RGS7: variants seen among roughly 807,000 people sequenced by gnomAD.
The protein encoded by RGS7 is regulator of G protein signaling 7.
RGS7 carries 27 observed loss-of-function variants against 81.1 expected under a neutral mutation model. The observed-to-expected ratio is 0.33, with a 90% confidence interval of 0.25 to 0.46. The LOEUF (loss-of-function observed/expected upper bound fraction) is 0.46. Among genes scored for constraint, RGS7 ranks in the 20% least tolerant of loss-of-function variants. The pLI, the probability that RGS7 is intolerant of heterozygous loss-of-function variation, is 1.00. For synonymous variants in RGS7, 208 were observed against 207.7 expected, an observed-to-expected ratio of 1.00 and a Z score of -0.01; for missense variants, 396 against 607.4, an observed-to-expected ratio of 0.65 and a Z score of 3.66.
At chr1:241,035,685 T>A (rs1452979439) in intron 3 of RGS7, among the ~76,000 whole-genome samples, 2 of 152,126 alleles carry the variant, frequency 1.3e-5, no homozygotes, top group Non-Finnish European at 2.9e-5. Flanking sequence ...TCCACCCTTA[T>A]CAGCACCACT....
intron 3 of RGS7, among the ~76,000 whole-genome samples, chr1:241,019,663 A>G (rs2148689708): frequency 6.6e-6 from 1 of 152,286 alleles, no homozygotes; most frequent in Admixed American, 6.5e-5. Context: ...AGCTTCATCC[A>G]TGTCCCTGAA....
At position 241,111,616 on chromosome 1, in the gene RGS7, A is replaced by G. The variant is rs1330261277; in HGVS notation, c.79-12854T>C. Among the ~76,000 whole-genome samples, 5 of 144,842 alleles carry G rather than the reference A, an allele frequency of 3.5e-5. No homozygotes were observed. In the East Asian group the frequency reaches 9.6e-4, roughly 28 times the overall value. Reference sequence around the variant, plus strand: ...CATAGCAAGACCCCCCCTCTCTACAAGTAAAAAAAAAAATGAAAAGACAAG... The same window carrying G: ...CATAGCAAGACCCCCCCTCTCTACAGGTAAAAAAAAAAATGAAAAGACAAG... On this transcript the variant is annotated intron_variant, in intron 2 of 18. Coordinates refer to ENST00000440928, the MANE Select transcript of RGS7 (RefSeq NM_001364886.1).
intron 3 of RGS7, among the ~76,000 whole-genome samples, chr1:241,014,867 C>T (rs545614009): frequency 3.0e-4 from 46 of 152,252 alleles, no homozygotes; most frequent in African/African-American, 1.1e-3. Context: ...GGTTGGTTTC[C>T]GTCAGACTGA....
intron 3 of RGS7, among the ~76,000 whole-genome samples, chr1:241,028,917 G>A (rs1306344211): frequency 6.6e-6 from 1 of 152,178 alleles, no homozygotes; most frequent in Non-Finnish European, 1.5e-5. Flanking sequence ...GGGGCAGCCA[G>A]AAAGGGCTTC....
At chr1:241,158,283 G>A (rs2069346584) in intron 2 of RGS7, among the ~76,000 whole-genome samples, 1 of 152,136 alleles carries the variant, frequency 6.6e-6, no homozygotes, top group African/African-American at 2.4e-5. Flanking sequence ...CAACCACAGA[G>A]CTATGCGATT....
chr1:241,225,147 C>A lies in RGS7; in HGVS notation c.79-126385G>T, dbSNP rs906121546. ...TAAGTAATTTCTCATTCCTCATCCC[C>A]CTTGTACCCTCCCACTTTTCCAAGT... On this transcript the variant is annotated intron_variant, in intron 2 of 18. Transcript: ENST00000440928. Among the ~76,000 whole-genome samples the A allele has an allele frequency of 2.0e-5, 3 of 152,240 alleles. No individual in the cohort carries two copies. In the South Asian group the frequency reaches 6.2e-4, roughly 32 times the overall value.
At chr1:241,350,386 T>C (rs1338353358) in intron 2 of RGS7, among the ~76,000 whole-genome samples, 1 of 152,140 alleles carries the variant, frequency 6.6e-6, no homozygotes, top group East Asian at 1.9e-4. Context: ...AGACACTCCA[T>C]TTAAAAATTT....
intron 2 of RGS7, among the ~76,000 whole-genome samples, chr1:241,295,855 G>T (rs1027036953): frequency 6.6e-6 from 1 of 152,190 alleles, no homozygotes; most frequent in African/African-American, 2.4e-5. Context: ...TGGTAGATGT[G>T]AGTGTTGAGT....
chr1:240,839,136 T>G (rs1451801952), intron 9 of RGS7, among the ~76,000 whole-genome samples: 3 of 152,190 alleles, frequency 2.0e-5, no homozygotes, highest in African/African-American at 7.2e-5. Context: ...TTTTGAGCTT[T>G]TATGTGATTT....
chr1:241,203,989 C>A (rs1050314416), intron 2 of RGS7, among the ~76,000 whole-genome samples: 1 of 152,182 alleles, frequency 6.6e-6, no homozygotes, highest in African/African-American at 2.4e-5. Flanking sequence ...ACAACAGGAG[C>A]TACTCTTGCC....
In RGS7 at chr1:241,126,929, C is replaced by G. The variant is rs2066705388; in HGVS notation, c.79-28167G>C. On this transcript the variant is annotated intron_variant, in intron 2 of 18. Transcript: ENST00000440928. ...ATACTATTGTTCACTTCTTTCTTTCCTTCCTTCCTTCATTCCAGAAACACT... is the reference window on the plus strand; with the variant it reads ...ATACTATTGTTCACTTCTTTCTTTCGTTCCTTCCTTCATTCCAGAAACACT... Among the ~76,000 whole-genome samples, 6 of 151,914 alleles carry G rather than the reference C, an allele frequency of 3.9e-5. No individual in the cohort carries two copies. The South Asian group carries it at 8.3e-4, about 21-fold the overall frequency.
intron 2 of RGS7, among the ~76,000 whole-genome samples, chr1:241,146,863 G>A (rs1271024761): frequency 6.6e-6 from 1 of 152,106 alleles, no homozygotes. Context: ...CATAGATGAT[G>A]CTTTCTTGCT....
chr1:241,119,166 G>T (rs962681695), intron 2 of RGS7, among the ~76,000 whole-genome samples: 1 of 152,082 alleles, frequency 6.6e-6, no homozygotes, highest in Admixed American at 6.5e-5. Flanking sequence ...TACATTACAT[G>T]GTAACATGAA....
At chr1:240,907,426 A>G (rs16840993) in intron 6 of RGS7, among the ~76,000 whole-genome samples, 14,172 of 151,938 alleles carry the variant, frequency 0.093, 751 homozygotes, top group Middle Eastern at 0.21. Flanking sequence ...TAAATAAAAT[A>G]CTAAATCGTA....
intron 2 of RGS7, among the ~76,000 whole-genome samples, chr1:241,278,528 C>G (rs1309426535): frequency 6.6e-6 from 1 of 152,176 alleles, no homozygotes; most frequent in African/African-American, 2.4e-5. Context: ...CTTTGCGGTG[C>G]AGAGTTGGGT....
In RGS7 at chr1:241,337,473, A is replaced by G. The variant is rs2082310266; in HGVS notation, c.78+18226T>C. On this transcript the variant is annotated intron_variant, in intron 2 of 18. Coordinates refer to ENST00000440928, the MANE Select transcript of RGS7 (RefSeq NM_001364886.1). ...CACTGGTTCCTGCACAATTTTTCTT[A>G]GCATACTGTATGTTGTGCCACCAAG... Among the ~76,000 whole-genome samples, 3 of 152,118 alleles carry G rather than the reference A, an allele frequency of 2.0e-5. No homozygotes were observed. The South Asian group carries it at 6.2e-4, about 32-fold the overall frequency.
chr1:240,969,828 G>A (rs1000567554), intron 4 of RGS7, among the ~76,000 whole-genome samples: 1 of 152,168 alleles, frequency 6.6e-6, no homozygotes, highest in Admixed American at 6.5e-5. Flanking sequence ...GGAGTCTCAG[G>A]GGCTTCATCT....
At chr1:240,847,315 G>T (rs76335667) in intron 9 of RGS7, among the ~76,000 whole-genome samples, 1 of 152,264 alleles carries the variant, frequency 6.6e-6, no homozygotes, top group Non-Finnish European at 1.5e-5. Flanking sequence ...CTCAAGGGTC[G>T]TGTAGGGTAA....
rs538797049 is a variant in RGS7, at chr1:240,899,920, C to T, written c.386-29801G>A. Among the ~76,000 whole-genome samples, 8 of 152,328 alleles carry T rather than the reference C, an allele frequency of 5.3e-5. 1 individual carries two copies. In the South Asian group the frequency reaches 1.7e-3, roughly 32 times the overall value. On this transcript the variant is annotated intron_variant, in intron 6 of 18. Transcript: ENST00000440928. ...CCATTCTCCCTGTCAATTTCAGATACACCAATCAGATGAAGATTTGGTCTT... is the reference window on the plus strand; with the variant it reads ...CCATTCTCCCTGTCAATTTCAGATATACCAATCAGATGAAGATTTGGTCTT...
Sources: gnomAD v4.1 joint callset for allele counts (sites outside exome capture counted in the v4.1 genomes callset) on GRCh38, gnomAD v4.1.1 for gene constraint, MANE v1.5 for transcripts, NCBI Gene and HGNC (gene_info 2026-07-23, HGNC 2026-07-21) for gene names.